GREB1L: variants seen among roughly 807,000 people sequenced by gnomAD.
GREB1L encodes the protein GREB1 like retinoic acid receptor coactivator, also known as GREB1-like protein.
In GREB1L, 17 loss-of-function variants were observed where a neutral mutation model predicts 200.8. The ratio of observed to expected loss-of-function variants is 0.08; its 90% confidence interval spans 0.06 to 0.13. GREB1L has a LOEUF of 0.13. Among genes scored for constraint, GREB1L ranks in the 10% least tolerant of loss-of-function variants. The pLI is 1.00. For missense variants in GREB1L, 1,657 were observed against 2,367.7 expected, an observed-to-expected ratio of 0.70 and a Z score of 6.23; for synonymous variants, 789 against 893.0, an observed-to-expected ratio of 0.88 and a Z score of 2.08.
intron 1 of GREB1L, among the ~76,000 whole-genome samples, chr18:21,341,905 T>A (rs2039275268): frequency 6.6e-6 from 1 of 152,132 alleles, no homozygotes; most frequent in South Asian, 2.1e-4. Flanking sequence ...TGGGAATACT[T>A]TTCAAAGGGA....
chr18:21,373,278 A>G (rs1198466402), intron 2 of GREB1L, among the ~76,000 whole-genome samples: 3 of 152,146 alleles, frequency 2.0e-5, no homozygotes, highest in Non-Finnish European at 4.4e-5. Flanking sequence ...CATTGCCTGC[A>G]TGAATTTTTC....
intron 7 of GREB1L, among the ~76,000 whole-genome samples, chr18:21,435,560 G>A (rs2033480463): frequency 1.3e-5 from 2 of 151,948 alleles, no homozygotes; most frequent in Admixed American, 1.3e-4. Flanking sequence ...TTGACAATGA[G>A]GAGATCTTCA....
chr18:21,345,088 T>C (rs951220256), intron 1 of GREB1L, among the ~76,000 whole-genome samples: 2 of 152,238 alleles, frequency 1.3e-5, no homozygotes, highest in African/African-American at 4.8e-5. Flanking sequence ...TTAATTGCCT[T>C]GACTTTAGCT....
At position 21,329,555 on chromosome 18, in the gene GREB1L, A is replaced by G. The variant is rs142230735; in HGVS notation, c.-119-36472A>G. On this transcript the variant is annotated intron_variant, in intron 1 of 32. Transcript: ENST00000424526. Reference sequence around the variant, plus strand: ...CAAGGACTTGATTGCTTTTCCACCCAGAGTGTCCAAGGAAGACTTTCCAGA... The same window carrying G: ...CAAGGACTTGATTGCTTTTCCACCCGGAGTGTCCAAGGAAGACTTTCCAGA... Among the ~76,000 whole-genome samples, 17 of 152,194 alleles carry G rather than the reference A, an allele frequency of 1.1e-4. No individual in the cohort carries two copies. In the East Asian group the frequency reaches 3.3e-3, roughly 29 times the overall value.
intron 1 of GREB1L, among the ~76,000 whole-genome samples, chr18:21,260,615 G>A (rs2037874189): frequency 6.6e-6 from 1 of 151,828 alleles, no homozygotes; most frequent in East Asian, 1.9e-4. Context: ...TTTTGTCTTA[G>A]GTGTTTAGAA....
chr18:21,393,728 C>CT (rs1354423609), intron 4 of GREB1L, among the ~76,000 whole-genome samples: 15 of 152,038 alleles, frequency 9.9e-5, no homozygotes, highest in African/African-American at 1.9e-4. Context: ...CGCGCCCGGC[C>CT]TTTTTTTGTA....
At chr18:21,430,473 C>T (rs760395865) in intron 7 of GREB1L, among the ~76,000 whole-genome samples, 2 of 148,720 alleles carry the variant, frequency 1.3e-5, no homozygotes, top group Non-Finnish European at 3.0e-5. Context: ...CTGTTGCTGT[C>T]GATTGTCTTT....
At chr18:21,443,500 C>T (rs1464417590) in intron 10 of GREB1L, among the ~76,000 whole-genome samples, 1 of 152,242 alleles carries the variant, frequency 6.6e-6, no homozygotes, top group Non-Finnish European at 1.5e-5. Context: ...AGCCACCTTG[C>T]CCAGCCATAT....
intron 27 of GREB1L, among the ~76,000 whole-genome samples, chr18:21,511,838 G>GTTTTT (rs1277609026): frequency 1.1e-4 from 16 of 152,114 alleles, no homozygotes; most frequent in Non-Finnish European, 1.5e-5. Context: ...GTAGAGACAT[G>GTTTTT]GGTCTGTGTT....
intron 15 of GREB1L, chr18:21,468,764 C>T: frequency 2.2e-6 from 1 of 456,602 alleles, no homozygotes; most frequent in Non-Finnish European, 4.4e-6. Flanking sequence ...CAGTTATGTC[C>T]TCTTCATCTC....
At chr18:21,455,566 C>G (rs1307783354) in intron 15 of GREB1L, among the ~76,000 whole-genome samples, 1 of 151,840 alleles carries the variant, frequency 6.6e-6, no homozygotes, top group Non-Finnish European at 1.5e-5. Context: ...GCCTGTTATC[C>G]CAGCTACTTG....
intron 23 of GREB1L, among the ~76,000 whole-genome samples, chr18:21,501,119 C>T (rs889930088): frequency 5.9e-5 from 9 of 151,338 alleles, no homozygotes; most frequent in East Asian, 1.9e-4. Context: ...AGAATGTGCC[C>T]GGCAAATAGT....
At chr18:21,347,676 C>T (rs1331668292) in intron 1 of GREB1L, among the ~76,000 whole-genome samples, 1 of 151,170 alleles carries the variant, frequency 6.6e-6, no homozygotes, top group Non-Finnish European at 1.5e-5. Flanking sequence ...AGACTAGTCT[C>T]GAACTCCTGA....
chr18:21,458,117 C>T (rs566937235), intron 15 of GREB1L, among the ~76,000 whole-genome samples: 45 of 152,016 alleles, frequency 3.0e-4, no homozygotes, highest in South Asian at 4.2e-4. Flanking sequence ...TACAGGCATG[C>T]GCCACCATGC....
chr18:21,482,365 C>T (rs117713986), intron 17 of GREB1L, among the ~76,000 whole-genome samples: 2,803 of 152,342 alleles, frequency 0.018, 30 homozygotes, highest in Non-Finnish European at 0.028. Flanking sequence ...TCAAGCGATT[C>T]GTCTGCATCA....
intron 1 of GREB1L, among the ~76,000 whole-genome samples, chr18:21,285,757 A>G (rs185760839): frequency 6.6e-4 from 100 of 152,350 alleles, no homozygotes; most frequent in Non-Finnish European, 1.2e-3. Flanking sequence ...GACTAACCCT[A>G]TATAGAATTT....
Position 21,386,747 on chromosome 18 carries a change from C to T in GREB1L, c.355+2344C>T, listed in dbSNP as rs1321919397. On this transcript the variant is annotated intron_variant, in intron 4 of 32. Coordinates refer to ENST00000424526, the MANE Select transcript of GREB1L (RefSeq NM_001142966.3). ...GTCTAGATCTCCTGACTTCGTGATC[C>T]GCCTGCCTCGGCCTCCCAAAGTGCT... Among the ~76,000 whole-genome samples, 6 of 152,006 alleles carry T rather than the reference C, an allele frequency of 3.9e-5. No homozygotes were observed. In the South Asian group the frequency reaches 8.3e-4, roughly 21 times the overall value.
intron 1 of GREB1L, among the ~76,000 whole-genome samples, chr18:21,251,471 A>G (rs1345440713): frequency 6.6e-6 from 1 of 152,250 alleles, no homozygotes; most frequent in Non-Finnish European, 1.5e-5. Flanking sequence ...TTCCACAGTT[A>G]AACAACCATT....
At chr18:21,258,767 C>T (rs190505277) in intron 1 of GREB1L, among the ~76,000 whole-genome samples, 6 of 152,246 alleles carry the variant, frequency 3.9e-5, no homozygotes, top group Admixed American at 6.5e-5. Context: ...TATAATCCTT[C>T]GTGCGTGTTC....
Sources: allele counts gnomAD v4.1 joint callset (sites outside exome capture counted in the v4.1 genomes callset), GRCh38; gene constraint gnomAD v4.1.1; transcripts MANE v1.5; gene names NCBI Gene and HGNC (gene_info 2026-07-23, HGNC 2026-07-21).